WDR62: variants seen among roughly 807,000 people sequenced by gnomAD.
The protein encoded by WDR62 is WD repeat domain 62.
A neutral mutation model predicts 160.6 loss-of-function variants in WDR62; 112 were observed. The ratio of observed to expected loss-of-function variants is 0.70; its 90% confidence interval spans 0.60 to 0.82. The LOEUF (loss-of-function observed/expected upper bound fraction) is 0.82, where lower values mean the gene tolerates loss of function less well. WDR62 is among the 40% of genes least tolerant of loss of function. WDR62 has a pLI of 0.00. For missense variants in WDR62, 1,819 were observed against 1,983.8 expected (o/e 0.92, Z 1.58); for synonymous variants, 792 against 815.1 (o/e 0.97, Z 0.48).
In WDR62 at chr19:36,099,385, C is replaced by T. The variant is rs754227778; in HGVS notation, c.2521-14C>T. ...GCACTCAGCCAGTTGCCTGACTGTCCGATATCCTTCAAGCTAGGGGACGAT... is the reference window on the plus strand; with the variant it reads ...GCACTCAGCCAGTTGCCTGACTGTCTGATATCCTTCAAGCTAGGGGACGAT... On this transcript the variant is annotated splice_polypyrimidine_tract_variant and intron_variant, in intron 21 of 31. Coordinates refer to ENST00000401500, the MANE Select transcript of WDR62 (RefSeq NM_001083961.2). The T allele has an allele frequency of 8.1e-6, 13 of 1,611,412 alleles. No individual in the cohort carries two copies. The highest frequency in any genetic ancestry group is 6.6e-5 in the South Asian group (6 of 90,968).
At chr19:36,104,458 C>G (rs1973609569) in intron 30 of WDR62, 60 bp from the exon 31 acceptor site, 1 of 1,600,250 alleles carries the variant, frequency 6.2e-7, no homozygotes, top group African/African-American at 1.3e-5. Context: ...CCCAGTCGCT[C>G]TGGCCGCTCA....
intron 1 of WDR62, among the ~76,000 whole-genome samples, chr19:36,058,323 C>T (rs1391600463): frequency 6.6e-6 from 1 of 152,170 alleles, no homozygotes; most frequent in Non-Finnish European, 1.5e-5. Context: ...CTGACTCCAG[C>T]CTGGGTGACA....
chr19:36,082,972 A>G (rs1291664032), intron 10 of WDR62, 91 bp from the exon 11 acceptor site: 1 of 1,130,006 alleles, frequency 8.8e-7, no homozygotes, highest in Non-Finnish European at 1.3e-6. Context: ...GAGTTGTATT[A>G]CTAACGAAGA....
In WDR62 at chr19:36,100,734, T is replaced by G; in HGVS notation, c.2740-14T>G. The G allele has an allele frequency of 6.2e-7, 1 of 1,613,848 alleles. No homozygotes were observed. The highest frequency in any genetic ancestry group is 8.5e-7 in the Non-Finnish European group (1 of 1,179,936). ...CATGCCTGCCTCAGAATGGCTGTGC[T>G]GTCTTCCCCATAGTCAGAGAGTCCC... On this transcript the variant is annotated splice_polypyrimidine_tract_variant and intron_variant, in intron 22 of 31. Transcript: ENST00000401500.
In WDR62 at chr19:36,103,593, T is replaced by G. The variant is rs113769914; in HGVS notation, c.3765T>G (p.Val1255=). ...LAQPLRRPSS[V]GELASLGQEL... ...AGCCCCTCCGTAGGCCATCGTCCGT[T>G]GGGGAGCTGGCCTCCTTGGGCCAGG... The change falls in exon 30 of 32, where the codon GTT becomes GTG. Residue 1255 remains valine (V), a synonymous_variant. Coordinates refer to ENST00000401500, the MANE Select transcript of WDR62 (RefSeq NM_001083961.2). The G allele has an allele frequency of 1.2e-6, 2 of 1,613,210 alleles. No homozygotes were observed. The highest frequency in any genetic ancestry group is 8.5e-7 in the Non-Finnish European group (1 of 1,179,980).
At chr19:36,072,097 C>G (rs1163776927) in intron 8 of WDR62, among the ~76,000 whole-genome samples, 2 of 152,198 alleles carry the variant, frequency 1.3e-5, no homozygotes, top group Non-Finnish European at 2.9e-5. Context: ...TATAATGAAG[C>G]AGCAAAATCT....
rs939070372 is a variant in WDR62, at chr19:36,069,399, C to T, written c.882+1389C>T. Among the ~76,000 whole-genome samples, 16 of 151,276 alleles carry T rather than the reference C, an allele frequency of 1.1e-4. No homozygotes were observed. In the South Asian group the frequency reaches 2.1e-3, roughly 20 times the overall value. ...GCTCCTCACATCCCAGACGGGGTGG[C>T]GGGGCAGAGGCGCTCCCCGCATCTC... is the stretch of plus-strand genomic sequence containing the variant. On this transcript the variant is annotated intron_variant, in intron 7 of 31. Transcript: ENST00000401500.
rs1413285969 is a variant in WDR62 at position 36,055,062 on chromosome 19, C to G, written c.91C>G (p.Gln31Glu). The change falls in exon 1 of 32, where the codon CAG (glutamine) becomes GAG (glutamate). Residue 31 changes from glutamine to glutamate, a missense_variant. Around this residue, in one of 3 missense-constraint regions of WDR62, gnomAD observed 115 missense variants for 92.4 expected, o/e 1.24. Coordinates refer to ENST00000401500, the MANE Select transcript of WDR62 (RefSeq NM_001083961.2). Reference sequence around the variant, plus strand: ...GGCGGGAGTTCCGGCGCGGAGGGGCCAGTCCTCCCCGCCCCCCGCCCCACC... The same window carrying G: ...GGCGGGAGTTCCGGCGCGGAGGGGCGAGTCCTCCCCGCCCCCCGCCCCACC... ...VMAGVPARRG[Q>E]SSPPPAPPIC... is the part of the protein sequence containing the mutation. 4 of 1,593,762 alleles carry G rather than the reference C, an allele frequency of 2.5e-6. No homozygotes were observed. The highest frequency in any genetic ancestry group is 1.3e-5 in the African/African-American group (1 of 74,502).
In WDR62 at chr19:36,066,347, G is replaced by T. The variant is rs1036466930; in HGVS notation, c.481G>T (p.Val161Leu). The T allele has an allele frequency of 1.9e-5, 30 of 1,614,100 alleles. No homozygotes were observed. Among genetic ancestry groups the T allele is most frequent in the Non-Finnish European group, 2.5e-5 (29 of 1,179,966 alleles). ...AGGCCACAAGTATGGTGTGGCGTGT[G>T]TGGCCTTCTCACCCAATATGAAGCA... ...MLGHKYGVAC[V>L]AFSPNMKHIV... The change falls in exon 5 of 32, where the codon GTG becomes TTG. Residue 161 changes from valine to leucine, a missense_variant. Val to Leu is a conservative substitution (Grantham distance 32, BLOSUM62 1). Transcript: ENST00000401500.
chr19:36,090,629 C>G, intron 16 of WDR62, 109 bp downstream of exon 16: 1 of 992,356 alleles, frequency 1.0e-6, no homozygotes, highest in East Asian at 2.4e-5. Flanking sequence ...ACCGCGCTGC[C>G]CAGCACCTTC....
At chr19:36,065,858 G>A (rs1326196923) in intron 3 of WDR62, 100 bp from the exon 4 acceptor site, 13 of 1,177,306 alleles carry the variant, frequency 1.1e-5, no homozygotes, top group Admixed American at 6.7e-5. Flanking sequence ...TCCGAGGCTT[G>A]GGAGGCAGAA....
At chr19:36,080,008 T>A (rs1335396509) in intron 9 of WDR62, among the ~76,000 whole-genome samples, 1 of 152,220 alleles carries the variant, frequency 6.6e-6, no homozygotes, top group Admixed American at 6.5e-5. Flanking sequence ...TGGCTCTTTG[T>A]CCTTCTCAGC....
chr19:36,102,204 C>T (rs1973401994), intron 26 of WDR62, 53 bp downstream of exon 26: 5 of 1,613,194 alleles, frequency 3.1e-6, no homozygotes, highest in Non-Finnish European at 3.4e-6. Context: ...AGCCTGGGCA[C>T]AGCATTGGCG....
chr19:36,103,357 A>G lies in WDR62; in HGVS notation c.3529A>G (p.Ser1177Gly). Residue 1177 changes from serine to glycine, a missense_variant, in exon 30 of 32, where the codon AGC (serine) becomes GGC (glycine). Around this residue, in one of 3 missense-constraint regions of WDR62, gnomAD observed 770 missense variants for 734.2 expected, o/e 1.05. Transcript: ENST00000401500. ...AWRPPPPCLT[S>G]LASCVPASSV... ...TTCCGTTACAGCTCCCTGCCTTACG[A>G]GCCTGGCGTCCTGTGTCCCTGCTTC... 1 of 1,613,960 alleles carries G rather than the reference A, an allele frequency of 6.2e-7. No homozygotes were observed. Among genetic ancestry groups the G allele is most frequent in the Non-Finnish European group, 8.5e-7 (1 of 1,180,002 alleles).
chr19:36,105,942 G>A (rs549999992), downstream of WDR62, among the ~76,000 whole-genome samples: 21 of 152,102 alleles, frequency 1.4e-4, no homozygotes, highest in East Asian at 3.9e-3. Flanking sequence ...TGGGAGATCC[G>A]CCCACCTCGG....
chr19:36,067,748 G>T, intron 6 of WDR62, 80 bp from the exon 7 acceptor site: 1 of 1,506,386 alleles, frequency 6.6e-7, no homozygotes, highest in Non-Finnish European at 9.2e-7. Flanking sequence ...GAGTTCTCCT[G>T]TTTTGTTGTG....
At position 36,102,776 on chromosome 19, in the gene WDR62, A is replaced by C; in HGVS notation, c.3260A>C (p.Glu1087Ala). 1 of 1,614,170 alleles carries C rather than the reference A, an allele frequency of 6.2e-7. No individual in the cohort carries two copies. The highest frequency in any genetic ancestry group is 8.5e-7 in the Non-Finnish European group (1 of 1,180,018). Residue 1087 changes from glutamate (E) to alanine (A), a missense_variant, in exon 27 of 32, where the codon GAA becomes GCA. Physicochemically the swap from Glu to Ala is moderately radical, Grantham distance 107. Transcript: ENST00000401500. Reference sequence around the variant, plus strand: ...GCTCTGGGAGACGTGGAGGCCTCTGAAGCTGAAGACCACTTCTTCAACCCA... The same window carrying C: ...GCTCTGGGAGACGTGGAGGCCTCTGCAGCTGAAGACCACTTCTTCAACCCA... ...PAALGDVEASEAEDHFFNPRL... is the reference protein window; with the variant it reads ...PAALGDVEASAAEDHFFNPRL...
At chr19:36,088,082 C>T (rs1972361291) in intron 13 of WDR62, among the ~76,000 whole-genome samples, 1 of 152,160 alleles carries the variant, frequency 6.6e-6, no homozygotes, top group Non-Finnish European at 1.5e-5. Flanking sequence ...CTTCTGTGAG[C>T]CAATGACTCC....
rs940401864 is a variant in WDR62, at chr19:36,093,013, A to G, written c.2333+202A>G. Among the ~76,000 whole-genome samples, 9 of 152,252 alleles carry G rather than the reference A, an allele frequency of 5.9e-5. No individual in the cohort carries two copies. The East Asian group carries it at 1.5e-3, about 26-fold the overall frequency. ...TTTTGTGGATTTTTTTAATTTTCGT[A>G]AATAATAGAGACAGAGTCTTGCTGT... On this transcript the variant is annotated intron_variant, in intron 19 of 31. Transcript: ENST00000401500.
Sources: gnomAD v4.1 joint callset for allele counts (sites outside exome capture counted in the v4.1 genomes callset) on GRCh38, gnomAD v4.1.1 for gene constraint, gnomAD v4.1.1 regional missense constraint, MANE v1.5 for transcripts, NCBI Gene and HGNC (gene_info 2026-07-23, HGNC 2026-07-21) for gene names.